Variants in DLG2 observed in about 807,000 individuals in gnomAD.
The protein encoded by DLG2 is discs large MAGUK scaffold protein 2.
Under a neutral mutation model 132.5 loss-of-function variants are expected in DLG2, and 45 were observed. The ratio of observed to expected loss-of-function variants is 0.34; its 90% CI spans 0.27 to 0.44. The LOEUF is 0.44. Ranked by LOEUF, DLG2 falls within the 20% of genes least tolerant of loss-of-function variation. The pLI is 1.00. For synonymous variants in DLG2, 424 were observed against 419.6 expected, an observed-to-expected ratio of 1.01 and a Z score of -0.13; for missense variants, 1,045 against 1,196.9, an observed-to-expected ratio of 0.87 and a Z score of 1.87.
chr11:84,331,249 G>A (rs1378153926), intron 7 of DLG2, among the ~76,000 whole-genome samples: 2 of 152,010 alleles, frequency 1.3e-5, no homozygotes, highest in Non-Finnish European at 2.9e-5. Flanking sequence ...TACAGAATTA[G>A]AAGTAATTTT....
At chr11:84,766,971 T>C (rs571323140) in intron 6 of DLG2, among the ~76,000 whole-genome samples, 29 of 152,178 alleles carry the variant, frequency 1.9e-4, no homozygotes, top group African/African-American at 6.3e-4. Flanking sequence ...ATGTAAAACA[T>C]TGGCTTTGGA....
chr11:85,548,165 GTC>G (rs2076446957), intron 3 of DLG2, among the ~76,000 whole-genome samples: 1 of 152,078 alleles, frequency 6.6e-6, no homozygotes, highest in Admixed American at 6.5e-5. Context: ...TTTGGCTGGG[GTC>G]TCTGAGTGGA....
At chr11:84,326,966 T>G (rs944397348) in intron 7 of DLG2, among the ~76,000 whole-genome samples, 3 of 152,132 alleles carry the variant, frequency 2.0e-5, no homozygotes, top group Admixed American at 6.5e-5. Flanking sequence ...TTATATAATA[T>G]CCTTCTTTAT....
At chr11:84,915,958 G>A (rs1373272769) in intron 6 of DLG2, among the ~76,000 whole-genome samples, 2 of 152,102 alleles carry the variant, frequency 1.3e-5, no homozygotes, top group Non-Finnish European at 2.9e-5. Flanking sequence ...CATCCCCTGA[G>A]GATCAGAAGA....
Position 85,154,659 on chromosome 11 carries a change from A to G in DLG2, c.187-8T>C, listed in dbSNP as rs148542098. The G allele has an allele frequency of 7.4e-7, 1 of 1,350,814 alleles. No homozygotes were observed. The highest frequency in any genetic ancestry group is 1.0e-6 in the Non-Finnish European group (1 of 976,554). The allele number at this position is 1,350,814 out of a possible 1,614,324, so 83.7% of individuals were successfully genotyped here. A position where few individuals can be genotyped will look rare whatever the true frequency, so the allele number is the denominator to read the frequency against. ...TCCACTGCAATCTGTAAGCTAAAAT[A>G]AAAGTTTAAAAAATCAATACTCCTT... On this transcript the variant is annotated splice_region_variant and splice_polypyrimidine_tract_variant and intron_variant, in intron 4 of 27. Transcript: ENST00000376104.
intron 9 of DLG2, among the ~76,000 whole-genome samples, chr11:84,104,778 T>C (rs995011966): frequency 6.6e-6 from 1 of 151,972 alleles, no homozygotes; most frequent in African/African-American, 2.4e-5. Flanking sequence ...AAGAAGGAGA[T>C]TTTAAAAAAT....
intron 18 of DLG2, among the ~76,000 whole-genome samples, chr11:83,752,228 A>C (rs1220115419): frequency 6.6e-6 from 1 of 151,856 alleles, no homozygotes; most frequent in Non-Finnish European, 1.5e-5. Flanking sequence ...AGATGGTGCC[A>C]CTGCACTCCA....
At position 83,541,502 on chromosome 11, in the gene DLG2, A is replaced by G. The variant is rs557832887; in HGVS notation, c.2117+180T>C. Among the ~76,000 whole-genome samples, 6 of 152,296 alleles carry G rather than the reference A, an allele frequency of 3.9e-5. No individual in the cohort carries two copies. In the South Asian group the frequency reaches 1.2e-3, roughly 32 times the overall value. On this transcript the variant is annotated intron_variant, in intron 20 of 27. Coordinates refer to ENST00000376104, the MANE Select transcript of DLG2 (RefSeq NM_001142699.3). ...TCACCAATTTTGGTAAAACCCTAAT[A>G]TAGGAAAAAGAGGATTTTTAATTCA...
At chr11:84,363,008 C>T (rs1206248043) in intron 7 of DLG2, among the ~76,000 whole-genome samples, 2 of 151,612 alleles carry the variant, frequency 1.3e-5, no homozygotes, top group East Asian at 3.9e-4. Flanking sequence ...GATTTATAGT[C>T]CTTTGGGTAT....
At chr11:85,601,264 T>G (rs1302538841) in intron 2 of DLG2, among the ~76,000 whole-genome samples, 2 of 152,114 alleles carry the variant, frequency 1.3e-5, no homozygotes, top group Non-Finnish European at 1.5e-5. Context: ...TGCCTTGACC[T>G]CCCAAAGTGC....
chr11:84,247,371 C>G (rs545415344), intron 8 of DLG2, among the ~76,000 whole-genome samples: 10 of 152,228 alleles, frequency 6.6e-5, no homozygotes, highest in African/African-American at 2.2e-4. Flanking sequence ...TCCCTAAGAA[C>G]AAAGTACTTT....
intron 18 of DLG2, among the ~76,000 whole-genome samples, chr11:83,752,372 A>C (rs1254811632): frequency 6.6e-6 from 1 of 152,212 alleles, no homozygotes; most frequent in Admixed American, 6.5e-5. Flanking sequence ...AACACACAGA[A>C]TTGACCAGGA....
chr11:85,226,228 C>T (rs1264630077), intron 4 of DLG2, among the ~76,000 whole-genome samples: 1 of 150,944 alleles, frequency 6.6e-6, no homozygotes, highest in Non-Finnish European at 1.5e-5. Context: ...ATATGTAGAG[C>T]ACATTTATTA....
At chr11:83,687,025 G>A (rs1420095468) in intron 18 of DLG2, among the ~76,000 whole-genome samples, 1 of 152,154 alleles carries the variant, frequency 6.6e-6, no homozygotes, top group Non-Finnish European at 1.5e-5. Context: ...TGAGCACAGA[G>A]GTGCACACAG....
At chr11:84,365,106 C>A (rs999942346) in intron 7 of DLG2, among the ~76,000 whole-genome samples, 5 of 152,068 alleles carry the variant, frequency 3.3e-5, no homozygotes, top group Non-Finnish European at 7.4e-5. Context: ...TCTCCTTGTA[C>A]CTCTGGTAGA....
chr11:84,409,445 G>A (rs577507597), intron 7 of DLG2, among the ~76,000 whole-genome samples: 3 of 152,136 alleles, frequency 2.0e-5, no homozygotes, highest in South Asian at 4.2e-4. Context: ...GATGAAAGCC[G>A]GTTATAGGGA....
At chr11:83,848,150 G>T (rs1201038649) in intron 16 of DLG2, among the ~76,000 whole-genome samples, 1 of 141,620 alleles carries the variant, frequency 7.1e-6, no homozygotes, top group African/African-American at 2.7e-5. Context: ...TTTAATCACG[G>T]CATCTTGTAA....
At chr11:83,812,623 T>C (rs1239006806) in intron 17 of DLG2, among the ~76,000 whole-genome samples, 2 of 152,170 alleles carry the variant, frequency 1.3e-5, no homozygotes, top group African/African-American at 2.4e-5. Context: ...GTCTTAAACT[T>C]AGTAGATATA....
chr11:84,104,652 A>G (rs1241579352), intron 9 of DLG2, among the ~76,000 whole-genome samples: 1 of 152,130 alleles, frequency 6.6e-6, no homozygotes. Context: ...GAAAAAAGTG[A>G]CATTTTAATT....
Sources: allele counts gnomAD v4.1 joint callset (sites outside exome capture counted in the v4.1 genomes callset), GRCh38; gene constraint gnomAD v4.1.1; transcripts MANE v1.5; gene names NCBI Gene and HGNC (gene_info 2026-07-23, HGNC 2026-07-21).